ARID5B: variants seen among roughly 807,000 people sequenced by gnomAD.
ARID5B encodes the protein AT-rich interactive domain-containing protein 5B.
Under a neutral mutation model 97.2 loss-of-function variants are expected in ARID5B, and 13 were observed. That is an observed-to-expected ratio of 0.13 (90% CI 0.09 to 0.21). The LOEUF (loss-of-function observed/expected upper bound fraction) is 0.21. ARID5B is among the 10% of genes least tolerant of loss of function. The probability of loss-of-function intolerance (pLI) is 1.00; values close to 1 mark genes in which losing one functional copy is unlikely to be tolerated. For synonymous variants in ARID5B, 556 were observed against 570.3 expected (o/e 0.97, Z 0.36); for missense variants, 1,210 against 1,465.3 (o/e 0.83, Z 2.84).
At chr10:61,985,143 GACTTTCTTC>G (rs1838829557) in intron 3 of ARID5B, among the ~76,000 whole-genome samples, 1 of 151,892 alleles carries the variant, frequency 6.6e-6, no homozygotes, top group Non-Finnish European at 1.5e-5. Context: ...TCCCTGCGAA[GACTTTCTTC>G]ACTCTCTTTG....
At chr10:61,940,066 T>G (rs934084350) in intron 2 of ARID5B, 117 bp from the exon 3 acceptor site, 3 of 806,692 alleles carry the variant, frequency 3.7e-6, no homozygotes, top group African/African-American at 3.4e-5. Context: ...GCACACAGTC[T>G]CCTTGCATTA....
intron 3 of ARID5B, among the ~76,000 whole-genome samples, chr10:61,963,651 C>T (rs1037402033): frequency 2.6e-5 from 4 of 151,862 alleles, no homozygotes; most frequent in Non-Finnish European, 5.9e-5. Flanking sequence ...CCATTGGCCC[C>T]ACAGAAAGCT....
intron 4 of ARID5B, among the ~76,000 whole-genome samples, chr10:62,037,714 T>C (rs115880494): frequency 0.011 from 1,610 of 152,328 alleles, 25 homozygotes; most frequent in African/African-American, 0.036. Context: ...TTTTGGAATA[T>C]AAAGACATGA....
chr10:62,057,284 G>T lies in ARID5B; in HGVS notation c.1014G>T (p.Pro338=), dbSNP rs751540242. The T allele has an allele frequency of 6.2e-7, 1 of 1,613,760 alleles. No individual in the cohort carries two copies. The highest frequency in any genetic ancestry group is 1.1e-5 in the South Asian group (1 of 91,066). Residue 338 remains proline (P), a synonymous_variant, in exon 6 of 10, where the codon CCG becomes CCT. Coordinates refer to ENST00000279873, the MANE Select transcript of ARID5B (RefSeq NM_032199.3). ...AATACATGAAAGAAAGGAAAACGCC[G>T]ATAGAACGAATACCCTATTTAGGTT... The part of the protein sequence containing the change: ...LYKYMKERKT[P]IERIPYLGFK...
At chr10:61,991,846 A>G (rs540841157) in intron 3 of ARID5B, among the ~76,000 whole-genome samples, 10 of 152,148 alleles carry the variant, frequency 6.6e-5, no homozygotes, top group Non-Finnish European at 1.5e-4. Context: ...CTTAAATACC[A>G]TGGAGAAACC....
At chr10:62,021,170 C>T (rs952969029) in intron 4 of ARID5B, among the ~76,000 whole-genome samples, 2 of 151,410 alleles carry the variant, frequency 1.3e-5, no homozygotes, top group Admixed American at 6.6e-5. Flanking sequence ...AGTGCCAAGT[C>T]CCACAAATAC....
At chr10:61,961,790 C>T (rs939727561) in intron 3 of ARID5B, among the ~76,000 whole-genome samples, 2 of 151,972 alleles carry the variant, frequency 1.3e-5, no homozygotes, top group Non-Finnish European at 2.9e-5. Flanking sequence ...TCTTGTTGCT[C>T]AAGCTGGAGT....
chr10:61,933,241 A>T (rs547215877), intron 2 of ARID5B, among the ~76,000 whole-genome samples: 1 of 152,350 alleles, frequency 6.6e-6, no homozygotes, highest in South Asian at 2.1e-4. Flanking sequence ...TTTGGGCTCC[A>T]CTTCTAATTC....
chr10:61,993,647 A>C (rs1001527028), intron 3 of ARID5B, among the ~76,000 whole-genome samples: 2 of 152,232 alleles, frequency 1.3e-5, no homozygotes, highest in South Asian at 4.1e-4. Flanking sequence ...ATAATAAAAA[A>C]TGCATGGACA....
rs146450053 is a variant in ARID5B, at chr10:61,999,350, C to T, written c.503-741C>T. Among the ~76,000 whole-genome samples the T allele has an allele frequency of 4.6e-5, 7 of 152,272 alleles. No individual in the cohort carries two copies. In the East Asian group the frequency reaches 1.2e-3, roughly 25 times the overall value. Reference sequence around the variant, plus strand: ...CAATTGTAAGCTGAAAATATCAAGTCGAAAAGGCATTGAATACACCTAACC... The same window carrying T: ...CAATTGTAAGCTGAAAATATCAAGTTGAAAAGGCATTGAATACACCTAACC... On this transcript the variant is annotated intron_variant, in intron 3 of 9. Coordinates refer to ENST00000279873, the MANE Select transcript of ARID5B (RefSeq NM_032199.3).
At chr10:61,927,980 C>T (rs143984678) in intron 2 of ARID5B, among the ~76,000 whole-genome samples, 88 of 152,208 alleles carry the variant, frequency 5.8e-4, no homozygotes, top group African/African-American at 1.8e-3. Flanking sequence ...CTGTGGTTTC[C>T]GGTGGGGTTT....
chr10:62,083,284 G>GA (rs35649259), intron 8 of ARID5B, among the ~76,000 whole-genome samples: 10,816 of 100,186 alleles, frequency 0.11, 650 homozygotes, highest in East Asian at 0.22. Context: ...GTGAAGGGGA[G>GA]AAAAAAAAAA....
intron 4 of ARID5B, among the ~76,000 whole-genome samples, chr10:62,037,199 A>C (rs933495457): frequency 6.6e-6 from 1 of 152,232 alleles, no homozygotes; most frequent in African/African-American, 2.4e-5. Flanking sequence ...CAATGTTGCA[A>C]GAGGCTGTCA....
At chr10:62,009,748 C>T (rs1411696677) in intron 4 of ARID5B, among the ~76,000 whole-genome samples, 1 of 152,180 alleles carries the variant, frequency 6.6e-6, no homozygotes, top group Admixed American at 6.5e-5. Flanking sequence ...ATAACAGACA[C>T]TACGAGGCAG....
intron 4 of ARID5B, among the ~76,000 whole-genome samples, chr10:62,043,087 A>G (rs910399747): frequency 9.2e-5 from 14 of 152,104 alleles, no homozygotes; most frequent in African/African-American, 3.4e-4. Context: ...TACCACGTCC[A>G]CTTCTTACAA....
At chr10:62,033,120 G>T (rs1839518298) in intron 4 of ARID5B, among the ~76,000 whole-genome samples, 1 of 152,194 alleles carries the variant, frequency 6.6e-6, no homozygotes, top group African/African-American at 2.4e-5. Context: ...CCTGCAATGT[G>T]CTGAGGCTTG....
intron 4 of ARID5B, among the ~76,000 whole-genome samples, chr10:62,009,800 C>T (rs2132878062): frequency 6.6e-6 from 1 of 152,242 alleles, no homozygotes; most frequent in African/African-American, 2.4e-5. Context: ...GTAGGTGCCA[C>T]CGGAGTTAAA....
chr10:62,087,989 C>T (rs566256650), intron 9 of ARID5B, among the ~76,000 whole-genome samples: 5 of 151,938 alleles, frequency 3.3e-5, no homozygotes, highest in Admixed American at 1.3e-4. Context: ...CTCAGCCTCC[C>T]GAGTAGCTAG....
rs572284417 is a variant in ARID5B, at chr10:61,987,342, G to C, written c.503-12749G>C. On this transcript the variant is annotated intron_variant, in intron 3 of 9. Transcript: ENST00000279873. ...AACATTAATTAAAAATCTATCATGT[G>C]CTTCGCTTGTTTCCAGGGTGTTAGG... 2.6e-5 allele frequency among the ~76,000 whole-genome samples: 4 copies of C among 152,310 alleles called. No homozygotes were observed. The South Asian group carries it at 8.3e-4, about 32-fold the overall frequency.
Sources: allele counts gnomAD v4.1 joint callset (sites outside exome capture counted in the v4.1 genomes callset), GRCh38; gene constraint gnomAD v4.1.1; transcripts MANE v1.5; gene names NCBI Gene and HGNC (gene_info 2026-07-23, HGNC 2026-07-21).